TYW1B: variants seen among roughly 807,000 people sequenced by gnomAD.
The protein encoded by TYW1B is tRNA-yW synthesizing protein 1 homolog B, also known as S-adenosyl-L-methionine-dependent tRNA 4-demethylwyosine synthase TYW1B.
Under a neutral mutation model 86.9 loss-of-function variants are expected in TYW1B, and 73 were observed. The observed-to-expected ratio is 0.84, with a 90% CI of 0.70 to 1.02. The LOEUF is 1.02. TYW1B is among the 50% of genes least tolerant of loss of function. The pLI, the probability that TYW1B is intolerant of heterozygous loss-of-function variation, is 0.00. For synonymous variants in TYW1B, 248 were observed against 292.8 expected, an observed-to-expected ratio of 0.85 and a Z score of 1.56; for missense variants, 637 against 827.4, an observed-to-expected ratio of 0.77 and a Z score of 2.82.
At chr7:72,664,603 A>G (rs1348475301) in intron 11 of TYW1B, among the ~76,000 whole-genome samples, 3 of 152,178 alleles carry the variant, frequency 2.0e-5, no homozygotes, top group Non-Finnish European at 4.4e-5. Flanking sequence ...CCTATCACAG[A>G]GTGGAGAATG....
intron 12 of TYW1B, 50 bp from the exon 13 acceptor site, chr7:72,616,889 T>G (rs1812090739): frequency 6.3e-7 from 1 of 1,599,466 alleles, no homozygotes; most frequent in South Asian, 1.1e-5. Context: ...TACCTGCATG[T>G]CATAGAAGAC....
At chr7:72,740,685 T>A (rs1554462053) in intron 8 of TYW1B, among the ~76,000 whole-genome samples, 1 of 150,834 alleles carries the variant, frequency 6.6e-6, no homozygotes, top group African/African-American at 2.4e-5. Flanking sequence ...GTGAGAAAAA[T>A]CTGACTTCCA....
chr7:72,632,001 A>G (rs2129568779), intron 11 of TYW1B, among the ~76,000 whole-genome samples: 1 of 152,076 alleles, frequency 6.6e-6, no homozygotes. Flanking sequence ...TAATTATGAA[A>G]TGCCTAGTGT....
At chr7:72,682,005 G>A (rs1359892195) in intron 11 of TYW1B, among the ~76,000 whole-genome samples, 1 of 151,868 alleles carries the variant, frequency 6.6e-6, no homozygotes, top group Non-Finnish European at 1.5e-5. Context: ...AGCCTCCCGA[G>A]TAGCTGGGAT....
chr7:72,827,619 TAAAA>T (rs1275275794), intron 1 of TYW1B, among the ~76,000 whole-genome samples: 2 of 152,140 alleles, frequency 1.3e-5, no homozygotes, highest in Admixed American at 6.5e-5. Context: ...GCTTGCTCCA[TAAAA>T]AAAGCTTAAG....
chr7:72,761,961 C>A (rs373479828), intron 7 of TYW1B, among the ~76,000 whole-genome samples: 5 of 151,536 alleles, frequency 3.3e-5, no homozygotes, highest in African/African-American at 7.3e-5. Context: ...GAATTCTGCA[C>A]GTGATTAAGT....
intron 7 of TYW1B, among the ~76,000 whole-genome samples, chr7:72,767,818 T>G (rs1787797603): frequency 6.6e-6 from 1 of 152,166 alleles, no homozygotes; most frequent in Admixed American, 6.6e-5. Flanking sequence ...TTATTCAGGT[T>G]GACAAAAGTC....
chr7:72,828,129 T>C lies in TYW1B; in HGVS notation c.-54A>G. On this transcript the variant is annotated 5_prime_UTR_variant, in exon 1 of 14. Transcript: ENST00000620995. ...TCTCGGACCTGGAGAGCCCAAAGGT[T>C]CGCACTGGTACTGCGAGACGCACCG... 6.2e-7 allele frequency: 1 copy of C among 1,611,474 alleles called. No homozygotes were observed. Among genetic ancestry groups the C allele is most frequent in the Non-Finnish European group, 8.5e-7 (1 of 1,178,988 alleles).
At chr7:72,719,167 T>C (rs570908624) in intron 9 of TYW1B, among the ~76,000 whole-genome samples, 1 of 151,854 alleles carries the variant, frequency 6.6e-6, no homozygotes, top group South Asian at 2.1e-4. Context: ...TTTTTTTTTT[T>C]AGACAAGGTC....
intron 8 of TYW1B, among the ~76,000 whole-genome samples, chr7:72,740,302 A>G (rs1319286120): frequency 6.6e-6 from 1 of 151,962 alleles, no homozygotes; most frequent in Admixed American, 6.6e-5. Context: ...CAGGAGGCTG[A>G]GGCATGAGAA....
At chr7:72,576,110 G>A (rs1409001082) in intron 13 of TYW1B, among the ~76,000 whole-genome samples, 79 of 152,216 alleles carry the variant, frequency 5.2e-4, no homozygotes, top group Non-Finnish European at 2.4e-4. Flanking sequence ...ACAGCATCTC[G>A]TGGAATCCTT....
chr7:72,606,868 C>T lies in TYW1B; in HGVS notation c.1785+9804G>A, dbSNP rs111418182. ...CCCACAGTGCAGTGTCAAAGGAGGC[C>T]GGCTAAGACAGAAGATTTATTAATA... On this transcript the variant is annotated intron_variant, in intron 13 of 13. Transcript: ENST00000620995. Among the ~76,000 whole-genome samples, 749 of 152,160 alleles carry T rather than the reference C, an allele frequency of 4.9e-3. 5 individuals are homozygous for T. Among genetic ancestry groups the T allele is most frequent in the African/African-American group, 0.014 (597 of 41,498 alleles).
chr7:72,822,182 A>AAG (rs1788841168), intron 2 of TYW1B, among the ~76,000 whole-genome samples: 3 of 149,506 alleles, frequency 2.0e-5, no homozygotes, highest in Non-Finnish European at 4.5e-5. Flanking sequence ...AAAAAAAAAA[A>AAG]AAGAAGAAGA....
At chr7:72,622,508 T>G (rs562425741) in intron 12 of TYW1B, among the ~76,000 whole-genome samples, 1 of 152,122 alleles carries the variant, frequency 6.6e-6, no homozygotes, top group Non-Finnish European at 1.5e-5. Flanking sequence ...CTAGGCTACA[T>G]TGGCACATTT....
intron 9 of TYW1B, among the ~76,000 whole-genome samples, chr7:72,726,088 A>C (rs2961001): frequency 6.6e-6 from 1 of 152,218 alleles, no homozygotes; most frequent in Non-Finnish European, 1.5e-5. Flanking sequence ...CCAGATGTGG[A>C]GCTTACTAGT....
chr7:72,605,910 G>A (rs1450995991), intron 13 of TYW1B, among the ~76,000 whole-genome samples: 1 of 152,114 alleles, frequency 6.6e-6, no homozygotes, highest in African/African-American at 2.4e-5. Flanking sequence ...CTGTTCACTA[G>A]GAGATGCGAA....
chr7:72,698,272 T>C (rs1814372065), intron 10 of TYW1B, among the ~76,000 whole-genome samples: 1 of 152,172 alleles, frequency 6.6e-6, no homozygotes. Context: ...AATGACCATG[T>C]AGTTGCTACT....
intron 7 of TYW1B, among the ~76,000 whole-genome samples, chr7:72,765,719 G>GC (rs1787758564): frequency 6.6e-6 from 1 of 152,108 alleles, no homozygotes; most frequent in Non-Finnish European, 1.5e-5. Flanking sequence ...GCCAGCCTTG[G>GC]CCTCTGAAAG....
intron 11 of TYW1B, among the ~76,000 whole-genome samples, chr7:72,638,984 G>A (rs1386098215): frequency 6.6e-6 from 1 of 152,080 alleles, no homozygotes; most frequent in Non-Finnish European, 1.5e-5. Context: ...AAATTCTAAC[G>A]ACAAATGACC....
Sources: gnomAD v4.1 joint callset for allele counts (sites outside exome capture counted in the v4.1 genomes callset) on GRCh38, gnomAD v4.1.1 for gene constraint, MANE v1.5 for transcripts, NCBI Gene and HGNC (gene_info 2026-07-23, HGNC 2026-07-21) for gene names.